The following SLC25A26 variants were observed in gnomAD, a reference collection of about 807,000 sequenced individuals.
SLC25A26 encodes solute carrier family 25 member 26.
SLC25A26 carries 36 observed loss-of-function variants against 37.8 expected under a neutral mutation model. The observed-to-expected ratio is 0.95, with a 90% CI of 0.73 to 1.26. SLC25A26 has a LOEUF of 1.26. Among genes scored for constraint, SLC25A26 ranks in the 50% most tolerant of loss-of-function variants. The pLI is 0.00. For synonymous variants in SLC25A26, 129 were observed against 122.5 expected, an observed-to-expected ratio of 1.05 and a Z score of -0.35; for missense variants, 390 against 331.1, an observed-to-expected ratio of 1.18 and a Z score of -1.38.
At chr3:66,307,210 G>A (rs893570815) in intron 5 of SLC25A26, among the ~76,000 whole-genome samples, 1 of 152,210 alleles carries the variant, frequency 6.6e-6, no homozygotes, top group African/African-American at 2.4e-5. Context: ...ACTGGAGTGA[G>A]ATGGTATCTC....
chr3:66,234,613 T>G (rs1473953470), intron 1 of SLC25A26, among the ~76,000 whole-genome samples: 1 of 152,220 alleles, frequency 6.6e-6, no homozygotes, highest in Non-Finnish European at 1.5e-5. Context: ...CCTGTGCTAG[T>G]TAATTTGAAA....
intron 5 of SLC25A26, among the ~76,000 whole-genome samples, chr3:66,300,651 TA>T (rs1193402659): frequency 1.3e-5 from 2 of 152,134 alleles, no homozygotes; most frequent in East Asian, 3.8e-4. Context: ...CATATTTGCA[TA>T]GCATTTTGAG....
intron 5 of SLC25A26, among the ~76,000 whole-genome samples, chr3:66,321,600 T>G (rs766217566): frequency 6.6e-6 from 1 of 152,176 alleles, no homozygotes; most frequent in African/African-American, 2.4e-5. Flanking sequence ...GGGGACAGGG[T>G]ACATAAAGTA....
Position 66,377,860 on chromosome 3 carries a change from A to T in SLC25A26, c.*53A>T, listed in dbSNP as rs1700768331. On this transcript the variant is annotated 3_prime_UTR_variant, in exon 10 of 10. Coordinates refer to ENST00000354883, the MANE Select transcript of SLC25A26 (RefSeq NM_001379210.1). ...TGTCAAGAGAGGGGCCTGCAGTGCAAACCCTCTTCCGCTGAGCAGCTGTCT... is the reference window on the plus strand; with the variant it reads ...TGTCAAGAGAGGGGCCTGCAGTGCATACCCTCTTCCGCTGAGCAGCTGTCT... 1 of 1,317,226 alleles carries T rather than the reference A, an allele frequency of 7.6e-7. No homozygotes were observed. The highest frequency in any genetic ancestry group is 1.7e-5 in the Admixed American group (1 of 58,956). The allele number at this position is 1,317,226 out of a possible 1,614,324, so 81.6% of individuals were successfully genotyped here.
At chr3:66,238,661 G>T (rs915580812) in intron 2 of SLC25A26, among the ~76,000 whole-genome samples, 31 of 152,138 alleles carry the variant, frequency 2.0e-4, no homozygotes, top group African/African-American at 7.5e-4. Context: ...CACTGCGCCT[G>T]GCAAATGTTT....
chr3:66,305,617 C>A (rs1334941342), intron 5 of SLC25A26, among the ~76,000 whole-genome samples: 8 of 152,028 alleles, frequency 5.3e-5, no homozygotes, highest in African/African-American at 1.7e-4. Context: ...CTTCCCCCCA[C>A]CCCACCCTGT....
chr3:66,215,446 C>T (rs2071346267), intron 1 of SLC25A26, among the ~76,000 whole-genome samples: 1 of 152,158 alleles, frequency 6.6e-6, no homozygotes, highest in East Asian at 1.9e-4. Flanking sequence ...AGTGATCCTC[C>T]TACCTCAGTC....
At chr3:66,154,745 G>A (rs1427907065) in intron 1 of SLC25A26, among the ~76,000 whole-genome samples, 2 of 152,068 alleles carry the variant, frequency 1.3e-5, no homozygotes, top group Admixed American at 6.5e-5. Flanking sequence ...GCCTCCCAAA[G>A]TGCTGGGATT....
In SLC25A26 at chr3:66,355,834, ACT is replaced by A. The variant is rs748283833; in HGVS notation, c.499-7024_499-7023del. Among the ~76,000 whole-genome samples, 13 of 152,280 alleles carry A rather than the reference ACT, an allele frequency of 8.5e-5. No individual in the cohort carries two copies. In the Middle Eastern group the frequency reaches 0.01, roughly 120 times the overall value. ...ATCTGTTATAAACTTCTGGTGGTAA[ACT>A]CACAGCAGTGAGACCTACCCAGAGG... On this transcript the variant is annotated intron_variant, in intron 6 of 9. Coordinates refer to ENST00000354883, the MANE Select transcript of SLC25A26 (RefSeq NM_001379210.1).
intron 3 of SLC25A26, among the ~76,000 whole-genome samples, chr3:66,255,963 C>T (rs143789025): frequency 6.6e-6 from 1 of 152,136 alleles, no homozygotes; most frequent in Non-Finnish European, 1.5e-5. Context: ...AGTTTTTCTT[C>T]TGCATCTGTA....
intron 5 of SLC25A26, among the ~76,000 whole-genome samples, chr3:66,291,554 G>C (rs574218101): frequency 1.8e-4 from 27 of 152,042 alleles, no homozygotes; most frequent in Non-Finnish European, 2.5e-4. Context: ...CCTTAATTTC[G>C]TTTTGTAACC....
intron 5 of SLC25A26, among the ~76,000 whole-genome samples, chr3:66,300,869 G>C (rs569673122): frequency 6.6e-6 from 1 of 152,104 alleles, no homozygotes; most frequent in Non-Finnish European, 1.5e-5. Flanking sequence ...CTGTATTTAT[G>C]CTTCTGTATA....
chr3:66,318,355 A>G (rs528181115), intron 5 of SLC25A26, among the ~76,000 whole-genome samples: 1 of 152,256 alleles, frequency 6.6e-6, no homozygotes, highest in South Asian at 2.1e-4. Flanking sequence ...AATCTGTGGG[A>G]AAAGCATGGC....
chr3:66,287,666 G>A (rs2074561312), intron 5 of SLC25A26, among the ~76,000 whole-genome samples: 1 of 152,208 alleles, frequency 6.6e-6, no homozygotes, highest in South Asian at 2.1e-4. Context: ...TGAGGAAAAG[G>A]TGCTGTGTAT....
chr3:66,209,894 C>CTCTCTCTATATA (rs1553656243), intron 1 of SLC25A26, among the ~76,000 whole-genome samples: 1 of 13,192 alleles, frequency 7.6e-5, no homozygotes, highest in Non-Finnish European at 1.9e-4. Context: ...CTCTCTCTCT[C>CTCTCTCTATATA]TATTTATATA....
chr3:66,193,512 TTCAGATAACTAACATCATTG>T (rs1359507271), intron 1 of SLC25A26, among the ~76,000 whole-genome samples: 5 of 152,178 alleles, frequency 3.3e-5, no homozygotes, highest in African/African-American at 1.2e-4. Flanking sequence ...ATTAAATCAG[TTCAGATAACTAACATCATTG>T]TCCTTATCTG....
intron 1 of SLC25A26, among the ~76,000 whole-genome samples, chr3:66,191,939 C>T (rs1455213202): frequency 2.6e-5 from 4 of 151,650 alleles, no homozygotes; most frequent in African/African-American, 9.7e-5. Context: ...AAATTCTAAC[C>T]CCCAATCTGA....
chr3:66,266,392 T>A (rs1007067586), intron 5 of SLC25A26, among the ~76,000 whole-genome samples: 1 of 152,200 alleles, frequency 6.6e-6, no homozygotes, highest in Non-Finnish European at 1.5e-5. Flanking sequence ...GTTGTTTCAA[T>A]AAGAAAATAC....
At chr3:66,201,006 CTG>C (rs1193183280) in intron 1 of SLC25A26, among the ~76,000 whole-genome samples, 1 of 152,132 alleles carries the variant, frequency 6.6e-6, no homozygotes, top group Non-Finnish European at 1.5e-5. Flanking sequence ...GAGAAAAAGA[CTG>C]ATATTTCTGC....
Sources: allele counts gnomAD v4.1 joint callset (sites outside exome capture counted in the v4.1 genomes callset), GRCh38; gene constraint gnomAD v4.1.1; transcripts MANE v1.5; gene names NCBI Gene and HGNC (gene_info 2026-07-23, HGNC 2026-07-21).